Variants in KCNMA1 observed in about 807,000 individuals in gnomAD.
KCNMA1 encodes potassium calcium-activated channel subfamily M alpha 1.
Under a neutral mutation model 140.0 loss-of-function variants are expected in KCNMA1, and 29 were observed. The ratio of observed to expected loss-of-function variants is 0.21; its 90% CI spans 0.15 to 0.28. The LOEUF is 0.28. Ranked by LOEUF, KCNMA1 falls within the 10% of genes least tolerant of loss-of-function variation. KCNMA1 has a pLI of 1.00. For missense variants in KCNMA1, 880 were observed against 1,602.2 expected, an observed-to-expected ratio of 0.55 and a Z score of 7.70; for synonymous variants, 612 against 611.9, an observed-to-expected ratio of 1.00 and a Z score of 0.00.
intron 20 of KCNMA1, among the ~76,000 whole-genome samples, chr10:76,956,938 C>T (rs182954592): frequency 5.9e-5 from 9 of 151,754 alleles, no homozygotes; most frequent in East Asian, 5.9e-4. Context: ...CTGGCTAACA[C>T]GGTGAAACCC....
intron 21 of KCNMA1, among the ~76,000 whole-genome samples, chr10:76,950,312 A>G (rs1220556243): frequency 6.6e-6 from 1 of 152,202 alleles, no homozygotes; most frequent in African/African-American, 2.4e-5. Context: ...GATCTCCCCA[A>G]ATAATCATTA....
At chr10:77,334,442 T>C (rs867137505) in intron 2 of KCNMA1, among the ~76,000 whole-genome samples, 5 of 152,230 alleles carry the variant, frequency 3.3e-5, no homozygotes, top group Middle Eastern at 3.2e-3. Flanking sequence ...CACTGTTTTC[T>C]TACAAAAATC....
chr10:77,194,631 G>A (rs1056812988), intron 3 of KCNMA1, among the ~76,000 whole-genome samples: 7 of 152,054 alleles, frequency 4.6e-5, no homozygotes, highest in Non-Finnish European at 1.0e-4. Flanking sequence ...TGCCTGAGAC[G>A]TATCTCTTTC....
chr10:77,086,652 A>G, intron 10 of KCNMA1, 59 bp from the exon 11 acceptor site: 2 of 1,187,074 alleles, frequency 1.7e-6, no homozygotes, highest in East Asian at 2.4e-5. Flanking sequence ...TTCAGCCTCC[A>G]TGGGCTCCTT....
chr10:77,104,772 G>A (rs2097167845), intron 9 of KCNMA1, among the ~76,000 whole-genome samples: 1 of 152,214 alleles, frequency 6.6e-6, no homozygotes, highest in African/African-American at 2.4e-5. Flanking sequence ...CTAACCAGGA[G>A]TGGAATGAAT....
At chr10:77,602,553 T>C (rs905022430) in intron 1 of KCNMA1, among the ~76,000 whole-genome samples, 2 of 152,106 alleles carry the variant, frequency 1.3e-5, no homozygotes, top group African/African-American at 4.8e-5. Flanking sequence ...AGCATGTGAG[T>C]GATACCTCAA....
chr10:77,328,188 T>C (rs1169110747), intron 2 of KCNMA1, among the ~76,000 whole-genome samples: 1 of 152,228 alleles, frequency 6.6e-6, no homozygotes, highest in Admixed American at 6.5e-5. Flanking sequence ...TGCAAAACAG[T>C]ACTTGGCGCA....
intron 23 of KCNMA1, among the ~76,000 whole-genome samples, chr10:76,921,737 T>G (rs1336284065): frequency 1.3e-5 from 2 of 152,340 alleles, no homozygotes; most frequent in East Asian, 3.9e-4. Flanking sequence ...AATTGCTTTC[T>G]AACTTGTAGG....
chr10:77,436,048 A>G (rs1340194321), intron 1 of KCNMA1, among the ~76,000 whole-genome samples: 1 of 152,250 alleles, frequency 6.6e-6, no homozygotes, highest in African/African-American at 2.4e-5. Context: ...AAATGAAGGC[A>G]ATGACTTGGT....
chr10:77,484,479 A>G (rs1445023404), intron 1 of KCNMA1, among the ~76,000 whole-genome samples: 1 of 152,262 alleles, frequency 6.6e-6, no homozygotes, highest in Non-Finnish European at 1.5e-5. Context: ...AGCACTTTAC[A>G]TCAGTTGTCT....
chr10:77,627,628 C>T (rs1285903841), intron 1 of KCNMA1, among the ~76,000 whole-genome samples: 1 of 152,194 alleles, frequency 6.6e-6, no homozygotes, highest in Non-Finnish European at 1.5e-5. Context: ...ACACTGCGGA[C>T]ATGGAAACAC....
chr10:77,226,490 C>T (rs188129581), intron 3 of KCNMA1, among the ~76,000 whole-genome samples: 8 of 151,998 alleles, frequency 5.3e-5, no homozygotes, highest in South Asian at 2.1e-4. Flanking sequence ...CAGCCTCCCA[C>T]CCCTCAAGCA....
intron 9 of KCNMA1, 52 bp from the exon 10 acceptor site, chr10:77,090,562 C>T: frequency 1.7e-6 from 2 of 1,180,696 alleles, no homozygotes; most frequent in Non-Finnish European, 2.5e-6. Context: ...CAGGACCCTG[C>T]ATCCCACCCC....
At chr10:77,562,473 A>C (rs1184811849) in intron 1 of KCNMA1, among the ~76,000 whole-genome samples, 2 of 152,226 alleles carry the variant, frequency 1.3e-5, no homozygotes, top group East Asian at 3.8e-4. Flanking sequence ...ATAATATTGA[A>C]CTATAAAAAT....
intron 2 of KCNMA1, among the ~76,000 whole-genome samples, chr10:77,336,612 C>T (rs1293412560): frequency 1.3e-5 from 2 of 152,124 alleles, no homozygotes; most frequent in African/African-American, 2.4e-5. Flanking sequence ...ATTTAGAATG[C>T]TATTTTAATA....
Position 76,954,481 on chromosome 10 carries a change from T to C in KCNMA1, c.2361-557A>G, listed in dbSNP as rs1408423435. On this transcript the variant is annotated intron_variant, in intron 20 of 27. Coordinates refer to ENST00000286628, the MANE Select transcript of KCNMA1 (RefSeq NM_001161352.2). Reference sequence around the variant, plus strand: ...AAGCTTTAACAGGCTGCACTTTAAATATTTTAGCAATTTGCCCAATCAGAT... The same window carrying C: ...AAGCTTTAACAGGCTGCACTTTAAACATTTTAGCAATTTGCCCAATCAGAT... Among the ~76,000 whole-genome samples the C allele has an allele frequency of 3.9e-5, 6 of 152,218 alleles. No individual in the cohort carries two copies. In the South Asian group the frequency reaches 6.2e-4, roughly 16 times the overall value.
chr10:77,335,413 C>A (rs147649075), intron 2 of KCNMA1, among the ~76,000 whole-genome samples: 2 of 152,314 alleles, frequency 1.3e-5, no homozygotes, highest in East Asian at 3.9e-4. Context: ...GGACTTTAGG[C>A]AACCCTGGGG....
At chr10:77,466,829 T>C (rs1301009588) in intron 1 of KCNMA1, among the ~76,000 whole-genome samples, 2 of 150,740 alleles carry the variant, frequency 1.3e-5, no homozygotes, top group Non-Finnish European at 2.9e-5. Flanking sequence ...GATGCTGATG[T>C]CCATGAGGGA....
intron 20 of KCNMA1, among the ~76,000 whole-genome samples, chr10:76,967,206 T>C (rs987681555): frequency 5.9e-5 from 9 of 152,150 alleles, no homozygotes; most frequent in Non-Finnish European, 1.3e-4. Context: ...CACTAAAACC[T>C]GCCCGCATTC....
Sources: gnomAD v4.1 joint callset for allele counts (sites outside exome capture counted in the v4.1 genomes callset) on GRCh38, gnomAD v4.1.1 for gene constraint, MANE v1.5 for transcripts, NCBI Gene and HGNC (gene_info 2026-07-23, HGNC 2026-07-21) for gene names.